The following SRSF6 variants were observed in gnomAD, a reference collection of about 807,000 sequenced individuals.
SRSF6 encodes the protein serine/arginine-rich splicing factor 6.
A neutral mutation model predicts 42.0 loss-of-function variants in SRSF6; 17 were observed. That is an observed-to-expected ratio of 0.40 (90% CI 0.28 to 0.61). The LOEUF is 0.61. Among genes scored for constraint, SRSF6 ranks in the 20% least tolerant of loss-of-function variants. The probability of loss-of-function intolerance (pLI) is 0.37; values close to 1 mark genes in which losing one functional copy is unlikely to be tolerated. For missense variants in SRSF6, 379 were observed against 471.4 expected, an observed-to-expected ratio of 0.80 and a Z score of 1.81; for synonymous variants, 204 against 166.7, an observed-to-expected ratio of 1.22 and a Z score of -1.72.
At position 43,461,102 on chromosome 20, in the gene SRSF6, T is replaced by C. The variant is rs2017582157; in HGVS notation, c.*39T>C. 3 of 1,516,564 alleles carry C rather than the reference T, an allele frequency of 2.0e-6. No homozygotes were observed. The highest frequency in any genetic ancestry group is 1.3e-5 in the South Asian group (1 of 74,760). The allele number at this position is 1,516,564 out of a possible 1,614,324, so 93.9% of individuals were successfully genotyped here. ...GTTTGCACATTATTATGGAACACTTTCCTACTTAGGCAGTTACTCTTCCAT... is the reference window on the plus strand; with the variant it reads ...GTTTGCACATTATTATGGAACACTTCCCTACTTAGGCAGTTACTCTTCCAT... On this transcript the variant is annotated 3_prime_UTR_variant, in exon 6 of 6. Transcript: ENST00000244020.
chr20:43,461,077 G>C lies in SRSF6; in HGVS notation c.*14G>C. 6.5e-7 allele frequency: 1 copy of C among 1,544,196 alleles called. No homozygotes were observed. Among genetic ancestry groups the C allele is most frequent in the Non-Finnish European group, 8.7e-7 (1 of 1,148,128 alleles). On this transcript the variant is annotated 3_prime_UTR_variant, in exon 6 of 6. Transcript: ENST00000244020. ...TCCAGAGATTAACTCAGAACTCCTT[G>C]TTTGCACATTATTATGGAACACTTT... is the stretch of plus-strand genomic sequence containing the variant.
Position 43,462,092 on chromosome 20 carries a change from A to C in SRSF6, c.*1029A>C, listed in dbSNP as rs2017612236. The C allele has an allele frequency of 6.6e-6, 1 of 152,254 alleles. No individual in the cohort carries two copies. Among genetic ancestry groups the C allele is most frequent in the Admixed American group, 6.5e-5 (1 of 15,276 alleles). 9.4% of individuals were successfully genotyped at this position (152,254 alleles called of 1,614,324 possible). ...ATCTCAGTAAAGTCAGTTGCCAGTTAAGTTCCACCCAGTAGTCAGTCCCCT... is the reference window on the plus strand; with the variant it reads ...ATCTCAGTAAAGTCAGTTGCCAGTTCAGTTCCACCCAGTAGTCAGTCCCCT... On this transcript the variant is annotated 3_prime_UTR_variant, in exon 6 of 6. Transcript: ENST00000244020.
Position 43,458,482 on chromosome 20 carries a change from C to A in SRSF6, c.229C>A (p.Arg77Ser). Residue 77 changes from arginine to serine, a missense_variant, in exon 2 of 6, where the codon CGC becomes AGC. Physicochemically the swap from Arg to Ser is moderately radical, Grantham distance 110. Coordinates refer to ENST00000244020, the MANE Select transcript of SRSF6 (RefSeq NM_006275.6). Reference sequence around the variant, plus strand: ...GCACGCCCGGGGCCCGCGTCGCGATCGCGACGGCTACAGCTACGGAAGCCG... The same window carrying A: ...GCACGCCCGGGGCCCGCGTCGCGATAGCGACGGCTACAGCTACGGAAGCCG... ...VEHARGPRRD[R>S]DGYSYGSRSG... 2.0e-6 allele frequency: 3 copies of A among 1,511,694 alleles called. No homozygotes were observed. Among genetic ancestry groups the A allele is most frequent in the Non-Finnish European group, 2.6e-6 (3 of 1,135,360 alleles). 93.6% of individuals were successfully genotyped at this position (1,511,694 alleles called of 1,614,324 possible).
At chr20:43,460,468 A>AT in intron 4 of SRSF6, 47 bp from the exon 5 acceptor site, 1 of 1,591,062 alleles carries the variant, frequency 6.3e-7, no homozygotes, top group Non-Finnish European at 8.6e-7. Context: ...GCACGGATGT[A>AT]TTTAAGTTGG....
Position 43,464,114 on chromosome 20 carries a change from TGAATG to T in SRSF6, c.*3052_*3056del, listed in dbSNP as rs2017648204. The stretch of plus-strand genomic sequence containing the variant: ...CTTTAAATGGCTGGCTGGTTACTGT[TGAATG>T]AATGTATGATAAATTTTTTTTCAGA... On this transcript the variant is annotated 3_prime_UTR_variant, in exon 6 of 6. Transcript: ENST00000244020. The T allele has an allele frequency of 6.6e-6, 1 of 152,236 alleles. No homozygotes were observed. Among genetic ancestry groups the T allele is most frequent in the Non-Finnish European group, 1.5e-5 (1 of 68,044 alleles). 9.4% of individuals were successfully genotyped at this position (152,236 alleles called of 1,614,324 possible).
rs1010778647 is a variant in SRSF6 at position 43,461,445 on chromosome 20, T to C, written c.*382T>C. ...TTTGCTTATTTTTAAATTAACTGTTTTGAGCTTTGAATACTTAAGGCTTTA... is the reference window on the plus strand; with the variant it reads ...TTTGCTTATTTTTAAATTAACTGTTCTGAGCTTTGAATACTTAAGGCTTTA... On this transcript the variant is annotated 3_prime_UTR_variant, in exon 6 of 6. Coordinates refer to ENST00000244020, the MANE Select transcript of SRSF6 (RefSeq NM_006275.6). The C allele has an allele frequency of 3.7e-5, 6 of 162,106 alleles. No homozygotes were observed. The highest frequency in any genetic ancestry group is 3.2e-4 in the Admixed American group (5 of 15,468). 10.0% of individuals were successfully genotyped at this position (162,106 alleles called of 1,614,324 possible).
At chr20:43,460,634 C>A in intron 5 of SRSF6, 36 bp downstream of exon 5, 5 of 1,613,628 alleles carry the variant, frequency 3.1e-6, no homozygotes, top group Non-Finnish European at 4.2e-6. Flanking sequence ...GTGAATATTA[C>A]CGTACTTGTT....
rs1196378267 is a variant in SRSF6, at chr20:43,461,334, G to GTTTTTTTTTTTTTTTTTTTTTTTT, written c.*273_*274insTTTTTTTTTTTTTTTTTTTTTTTT. 1.4e-4 allele frequency: 8 copies of GTTTTTTTTTTTTTTTTTTTTTTTT among 56,456 alleles called. No homozygotes were observed. The highest frequency in any genetic ancestry group is 5.9e-4 in the African/African-American group (8 of 13,538). The allele number at this position is 56,456 out of a possible 1,614,324, so 3.5% of individuals were successfully genotyped here. ...TTTGTAAAGATTAAGCTCATTTAGTGTTGTTTTTTTTTTTTTTTTTTTTTT... is the reference window on the plus strand; with the variant it reads ...TTTGTAAAGATTAAGCTCATTTAGTGTTTTTTTTTTTTTTTTTTTTTTTTTTGTTTTTTTTTTTTTTTTTTTTTT... On this transcript the variant is annotated 3_prime_UTR_variant, in exon 6 of 6. Transcript: ENST00000244020.
chr20:43,459,923 GAT>G, intron 3 of SRSF6, 28 bp downstream of exon 3: 3 of 1,600,590 alleles, frequency 1.9e-6, no homozygotes, highest in East Asian at 4.5e-5. Flanking sequence ...AGATAGAAAT[GAT>G]ATGACTAATG....
rs2017578399 is a variant in SRSF6 at position 43,460,983 on chromosome 20, C to G, written c.955C>G (p.Pro319Ala). The change falls in exon 6 of 6, where the codon CCA becomes GCA. Residue 319 changes from proline (P) to alanine (A), a missense_variant. This residue lies in a region of SRSF6 where 219 missense variants were observed against 216.1 expected (regional missense o/e 1.01). Transcript: ENST00000244020. The part of the protein sequence containing the change: ...PSKARSVSPP[P>A]KRATSRSRSR... ...AAAGGCCCGTTCTGTGTCCCCTCCACCAAAAAGAGCTACTTCAAGATCCCG... is the reference window on the plus strand; with the variant it reads ...AAAGGCCCGTTCTGTGTCCCCTCCAGCAAAAAGAGCTACTTCAAGATCCCG... The G allele has an allele frequency of 6.2e-7, 1 of 1,612,728 alleles. No individual in the cohort carries two copies.
At chr20:43,460,409 CGT>C in intron 4 of SRSF6, 104 bp from the exon 5 acceptor site, 13 of 1,382,374 alleles carry the variant, frequency 9.4e-6, no homozygotes, top group Non-Finnish European at 1.3e-5. Flanking sequence ...TATTTAATTT[CGT>C]AGTAAAGAAA....
At position 43,462,460 on chromosome 20, in the gene SRSF6, T is replaced by A. The variant is rs2017619647; in HGVS notation, c.*1397T>A. ...GAAATCAAAATATAGATTAATTGGC[T>A]CAGCTTTAATACCTTTCTAGGAGGT... On this transcript the variant is annotated 3_prime_UTR_variant, in exon 6 of 6. Coordinates refer to ENST00000244020, the MANE Select transcript of SRSF6 (RefSeq NM_006275.6). 1 of 152,224 alleles carries A rather than the reference T, an allele frequency of 6.6e-6. No individual in the cohort carries two copies. The highest frequency in any genetic ancestry group is 2.1e-4 in the South Asian group (1 of 4,832). The allele number at this position is 152,224 out of a possible 1,614,324, so 9.4% of individuals were successfully genotyped here. A position where few individuals can be genotyped will look rare whatever the true frequency, so the allele number is the denominator to read the frequency against.
chr20:43,458,568 G>T, intron 2 of SRSF6, 59 bp downstream of exon 2: 1 of 1,417,730 alleles, frequency 7.1e-7, no homozygotes. Context: ...GGGGTGGGTG[G>T]GGTGGGGCCT....
rs767747713 is a variant in SRSF6, at chr20:43,460,885, A to G, written c.857A>G (p.Lys286Arg). ...TCCCGATCCCCTAAAGAAAATGGAA[A>G]GGGTGATATAAAGTCAAAATCCAGA... ...SRSRSPKENG[K>R]GDIKSKSRSR... Residue 286 changes from lysine to arginine, a missense_variant, in exon 6 of 6, where the codon AAG (lysine) becomes AGG (arginine). Lys to Arg is a conservative substitution (Grantham distance 26). This residue lies in a region of SRSF6 where 219 missense variants were observed against 216.1 expected (regional missense o/e 1.01). Transcript: ENST00000244020. 1.2e-5 allele frequency: 19 copies of G among 1,614,138 alleles called. 3 individuals are homozygous for G. In the Admixed American group the frequency reaches 2.0e-4, roughly 17 times the overall value.
At position 43,461,066 on chromosome 20, in the gene SRSF6, C is replaced by T. The variant is rs371056319; in HGVS notation, c.*3C>T. ...CCAGGTCGAGTTCCAGAGATTAACT[C>T]AGAACTCCTTGTTTGCACATTATTA... On this transcript the variant is annotated 3_prime_UTR_variant, in exon 6 of 6. Transcript: ENST00000244020. 2 of 1,559,082 alleles carry T rather than the reference C, an allele frequency of 1.3e-6. No homozygotes were observed. Among genetic ancestry groups the T allele is most frequent in the Non-Finnish European group, 1.7e-6 (2 of 1,155,252 alleles).
In SRSF6 at chr20:43,462,139, G is replaced by A. The variant is rs1356021934; in HGVS notation, c.*1076G>A. ...CCCTTTGTAGTTAGTGGGATTATTT[G>A]ATAATTGGTTAGATCATACTTGTAA... On this transcript the variant is annotated 3_prime_UTR_variant, in exon 6 of 6. Transcript: ENST00000244020. 6.6e-6 allele frequency: 1 copy of A among 152,188 alleles called. No homozygotes were observed. The highest frequency in any genetic ancestry group is 1.5e-5 in the Non-Finnish European group (1 of 68,038). The allele number at this position is 152,188 out of a possible 1,614,324, so 9.4% of individuals were successfully genotyped here. A position where few individuals can be genotyped will look rare whatever the true frequency, so the allele number is the denominator to read the frequency against.
rs937654480 is a variant in SRSF6 at position 43,462,649 on chromosome 20, A to G, written c.*1586A>G. On this transcript the variant is annotated 3_prime_UTR_variant, in exon 6 of 6. Transcript: ENST00000244020. ...AGATTGAGTGAAAAATTTGAGTCAA[A>G]TATCTAGGGCATTCACAGAGTAGCT... The G allele has an allele frequency of 6.6e-6, 1 of 152,184 alleles. No homozygotes were observed. The highest frequency in any genetic ancestry group is 1.5e-5 in the Non-Finnish European group (1 of 68,026). 9.4% of individuals were successfully genotyped at this position (152,184 alleles called of 1,614,324 possible). A position where few individuals can be genotyped will look rare whatever the true frequency, so the allele number is the denominator to read the frequency against.
Position 43,459,804 on chromosome 20 carries a change from C to T in SRSF6, c.290C>T (p.Ser97Phe). ...GGGGYSSRRTSGRDKYGPPVR... is the reference protein window; with the variant it reads ...GGGGYSSRRTFGRDKYGPPVR... ...GGTGGATACAGCAGTCGGAGAACAT[C>T]TGGCAGAGACAAATACGGACCACCT... is the stretch of plus-strand genomic sequence containing the variant. Residue 97 changes from serine (S) to phenylalanine (F), a missense_variant, in exon 3 of 6, where the codon TCT becomes TTT. Around this residue, in one of 3 missense-constraint regions of SRSF6, gnomAD observed 117 missense variants for 146.8 expected, o/e 0.80. Transcript: ENST00000244020. The T allele has an allele frequency of 1.9e-6, 3 of 1,613,728 alleles. No homozygotes were observed. The highest frequency in any genetic ancestry group is 2.2e-5 in the East Asian group (1 of 44,888).
chr20:43,461,337 G>GTTTTTTTGTTTTTTTTT lies in SRSF6; in HGVS notation c.*281_*282insGTTTTTTTTTTTTTTTT, dbSNP rs2017589818. On this transcript the variant is annotated 3_prime_UTR_variant, in exon 6 of 6. Coordinates refer to ENST00000244020, the MANE Select transcript of SRSF6 (RefSeq NM_006275.6). ...GTAAAGATTAAGCTCATTTAGTGTT[G>GTTTTTTTGTTTTTTTTT]TTTTTTTTTTTTTTTTTTTTTTTTT... 1.1e-4 allele frequency: 5 copies of GTTTTTTTGTTTTTTTTT among 43,828 alleles called. No homozygotes were observed. Among genetic ancestry groups the GTTTTTTTGTTTTTTTTT allele is most frequent in the African/African-American group, 4.1e-4 (5 of 12,240 alleles). The allele number at this position is 43,828 out of a possible 1,614,324, so 2.7% of individuals were successfully genotyped here. A position where few individuals can be genotyped will look rare whatever the true frequency, so the allele number is the denominator to read the frequency against.
Sources: allele counts gnomAD v4.1 joint callset, GRCh38; gene constraint gnomAD v4.1.1; regional missense constraint gnomAD v4.1.1; transcripts MANE v1.5; gene names NCBI Gene and HGNC (gene_info 2026-07-23, HGNC 2026-07-21).